The following LONP2 variants were observed in gnomAD, a reference collection of about 807,000 sequenced individuals.
LONP2 encodes the protein lon peptidase 2, peroxisomal.
A neutral mutation model predicts 85.6 loss-of-function variants in LONP2; 60 were observed. The ratio of observed to expected loss-of-function variants is 0.70; its 90% CI spans 0.57 to 0.87. The LOEUF is 0.87. Among genes scored for constraint, LONP2 ranks in the 40% least tolerant of loss-of-function variants. The pLI, the probability that LONP2 is intolerant of heterozygous loss-of-function variation, is 0.00. For synonymous variants in LONP2, 395 were observed against 389.7 expected, an observed-to-expected ratio of 1.01 and a Z score of -0.16; for missense variants, 860 against 1,063.5, an observed-to-expected ratio of 0.81 and a Z score of 2.66.
chr16:48,282,180 G>A (rs1173240099), intron 8 of LONP2, among the ~76,000 whole-genome samples: 7 of 152,066 alleles, frequency 4.6e-5, no homozygotes, highest in Non-Finnish European at 8.8e-5. Flanking sequence ...AGGCCGAGGC[G>A]GGTGGATTGC....
In LONP2 at chr16:48,256,725, A is replaced by G; in HGVS notation, c.584A>G (p.Asn195Ser). ...DILTSIIRTSNKEKLQILDAV... is the reference protein window; with the variant it reads ...DILTSIIRTSSKEKLQILDAV... ...TTGACATCAATTATCCGAACAAGCA[A>G]CAAAGAGAAACTCCAGGTACAGTGT... is the stretch of plus-strand genomic sequence containing the variant. Residue 195 changes from asparagine to serine, a missense_variant, in exon 3 of 15, where the codon AAC (asparagine) becomes AGC (serine). Transcript: ENST00000285737. 6.2e-7 allele frequency: 1 copy of G among 1,613,916 alleles called. No homozygotes were observed. The highest frequency in any genetic ancestry group is 8.5e-7 in the Non-Finnish European group (1 of 1,179,918).
At chr16:48,338,179 T>C (rs1959710025) in intron 12 of LONP2, among the ~76,000 whole-genome samples, 1 of 152,114 alleles carries the variant, frequency 6.6e-6, no homozygotes, top group Admixed American at 6.5e-5. Context: ...TGTGGTTTCT[T>C]CTAGAAAGAG....
intron 8 of LONP2, among the ~76,000 whole-genome samples, chr16:48,281,028 A>C (rs1253866678): frequency 6.6e-6 from 1 of 152,198 alleles, no homozygotes; most frequent in Non-Finnish European, 1.5e-5. Flanking sequence ...TGGAGACCCA[A>C]GTATAGTTTT....
rs770611789 is a variant in LONP2, at chr16:48,334,340, C to T, written c.1920C>T (p.Pro640=). 1.2e-6 allele frequency: 2 copies of T among 1,614,174 alleles called. No individual in the cohort carries two copies. Among genetic ancestry groups the T allele is most frequent in the East Asian group, 2.2e-5 (1 of 44,876 alleles). ...DFHALKDILG[P]PMYEMEVSQR... ...ATGCTCTGAAAGACATCCTTGGGCC[C>T]CCGATGTATGAAATGGAGGTGATTC... The change falls in exon 12 of 15, where the codon CCC becomes CCT. Residue 640 remains proline (P), a synonymous_variant. Coordinates refer to ENST00000285737, the MANE Select transcript of LONP2 (RefSeq NM_031490.5).
At chr16:48,361,203 A>G (rs1169041546), downstream of LONP2, 2 of 204,560 alleles carry the variant, frequency 9.8e-6, no homozygotes, top group Admixed American at 5.3e-5. Flanking sequence ...CAGTTAAAGG[A>G]AAAAAACCCA....
rs1404972479 is a variant in LONP2 at position 48,354,096 on chromosome 16, T to G, written c.*2294T>G. ...TTTTTTTTTGGGGGGGGTGGGGGGT[T>G]AGGGGTGGGGCGGGTGGGGAAGAGC... is the stretch of plus-strand genomic sequence containing the variant. On this transcript the variant is annotated 3_prime_UTR_variant, in exon 15 of 15. Coordinates refer to ENST00000285737, the MANE Select transcript of LONP2 (RefSeq NM_031490.5). The G allele has an allele frequency of 1.1e-3, 1 of 872 alleles. No homozygotes were observed. Among genetic ancestry groups the G allele is most frequent in the Admixed American group, 0.016 (1 of 62 alleles). 0.1% of individuals were successfully genotyped at this position (872 alleles called of 1,614,324 possible).
At chr16:48,259,556 T>A (rs1468638641) in intron 4 of LONP2, among the ~76,000 whole-genome samples, 1 of 152,210 alleles carries the variant, frequency 6.6e-6, no homozygotes, top group Non-Finnish European at 1.5e-5. Flanking sequence ...CTGACTTAAG[T>A]TGAGGCGTTG....
In LONP2 at chr16:48,277,357, A is replaced by G; in HGVS notation, c.1261A>G (p.Met421Val). The G allele has an allele frequency of 6.2e-7, 1 of 1,613,612 alleles. No homozygotes were observed. The highest frequency in any genetic ancestry group is 8.5e-7 in the Non-Finnish European group (1 of 1,179,724). Residue 421 changes from methionine to valine, a missense_variant, in exon 8 of 15, where the codon ATG becomes GTG. Met to Val is a conservative substitution (Grantham distance 21, BLOSUM62 1). Coordinates refer to ENST00000285737, the MANE Select transcript of LONP2 (RefSeq NM_031490.5). ...RGHRRTYVGS[M>V]PGRIINGLKT... Reference sequence around the variant, plus strand: ...CTCTAGGCGCACCTATGTTGGCAGCATGCCTGGTCGCATCATCAACGGCTT... The same window carrying G: ...CTCTAGGCGCACCTATGTTGGCAGCGTGCCTGGTCGCATCATCAACGGCTT...
chr16:48,278,923 T>C (rs1972269406), intron 8 of LONP2, among the ~76,000 whole-genome samples: 1 of 152,298 alleles, frequency 6.6e-6, no homozygotes, highest in East Asian at 1.9e-4. Flanking sequence ...TCTCCACTTT[T>C]ATGTTTTGCT....
At chr16:48,282,226 T>C (rs1337923813) in intron 8 of LONP2, among the ~76,000 whole-genome samples, 2 of 151,892 alleles carry the variant, frequency 1.3e-5, no homozygotes, top group Non-Finnish European at 2.9e-5. Flanking sequence ...CTGGCTAACG[T>C]GGCGAAACCC....
Position 48,335,216 on chromosome 16 carries a change from G to A in LONP2, c.1938+858G>A, listed in dbSNP as rs9934459. ...TCTTTGTGCTATCAAGGGCTTGGGG[G>A]AAGAGGCGGGGAATCAACCTGATAC... On this transcript the variant is annotated intron_variant, in intron 12 of 14. Coordinates refer to ENST00000285737, the MANE Select transcript of LONP2 (RefSeq NM_031490.5). Among the ~76,000 whole-genome samples, 661 of 152,304 alleles carry A rather than the reference G, an allele frequency of 4.3e-3. 4 individuals are homozygous for A. Among genetic ancestry groups the A allele is most frequent in the African/African-American group, 0.015 (626 of 41,550 alleles).
In LONP2 at chr16:48,313,408, C is replaced by G. The variant is rs182140082; in HGVS notation, c.1795+10103C>G. Among the ~76,000 whole-genome samples the G allele has an allele frequency of 1.4e-3, 211 of 152,216 alleles. 1 individual carries two copies. The highest frequency in any genetic ancestry group is 4.9e-3 in the African/African-American group (204 of 41,536). ...AAACATGTGCCATGGTGGTTTGCTG[C>G]ACAGATAATCCATCACCCAGGTATT... On this transcript the variant is annotated intron_variant, in intron 11 of 14. Transcript: ENST00000285737.
At chr16:48,331,566 CT>C (rs1022632125) in intron 11 of LONP2, among the ~76,000 whole-genome samples, 223 of 139,818 alleles carry the variant, frequency 1.6e-3, no homozygotes, top group Middle Eastern at 7.4e-3. Flanking sequence ...AAAGGATTTT[CT>C]TTTTTTTTTT....
chr16:48,334,337 G>T lies in LONP2; in HGVS notation c.1917G>T (p.Gly639=), dbSNP rs772738479. Residue 639 remains glycine (G), a synonymous_variant, in exon 12 of 15, where the codon GGG becomes GGT. Coordinates refer to ENST00000285737, the MANE Select transcript of LONP2 (RefSeq NM_031490.5). ...TCCATGCTCTGAAAGACATCCTTGG[G>T]CCCCCGATGTATGAAATGGAGGTGA... ...IDFHALKDIL[G]PPMYEMEVSQ... 3 of 1,614,146 alleles carry T rather than the reference G, an allele frequency of 1.9e-6. No individual in the cohort carries two copies. Among genetic ancestry groups the T allele is most frequent in the Non-Finnish European group, 2.5e-6 (3 of 1,180,036 alleles).
rs760611883 is a variant in LONP2, at chr16:48,277,462, G to GC, written c.1367dup (p.Ala457SerfsTer5). 3.1e-6 allele frequency: 5 copies of GC among 1,613,564 alleles called. No individual in the cohort carries two copies. The South Asian group carries it at 4.4e-5, about 14-fold the overall frequency. ...GGGAAAAAGTCTACAGGGTGATCCA[G>GC]CAGCAGCTCTGCTTGAGGTAAGATT... On this transcript the variant is annotated frameshift_variant, in exon 8 of 15. Coordinates refer to ENST00000285737, the MANE Select transcript of LONP2 (RefSeq NM_031490.5). LOFTEE classifies it high-confidence loss of function.
intron 11 of LONP2, among the ~76,000 whole-genome samples, chr16:48,303,561 C>A (rs1198961020): frequency 6.6e-6 from 1 of 152,106 alleles, no homozygotes; most frequent in Non-Finnish European, 1.5e-5. Flanking sequence ...TATTAGGGTT[C>A]ACTAGAGGGA....
intron 8 of LONP2, among the ~76,000 whole-genome samples, chr16:48,282,278 G>A (rs1262799135): frequency 2.6e-5 from 4 of 151,880 alleles, no homozygotes; most frequent in Admixed American, 2.6e-4. Context: ...GGGCATGGTC[G>A]TGCATGCCTG....
At chr16:48,361,510 A>G (rs752826901), downstream of LONP2, 5 of 1,525,160 alleles carry the variant, frequency 3.3e-6, no homozygotes, top group Admixed American at 8.4e-5. Context: ...AGGTTGGCAG[A>G]CAGATGGGTG....
In LONP2 at chr16:48,262,234, A is replaced by G. The variant is rs1971893206; in HGVS notation, c.888-544A>G. Among the ~76,000 whole-genome samples the G allele has an allele frequency of 2.0e-5, 3 of 152,146 alleles. No individual in the cohort carries two copies. The South Asian group carries it at 6.2e-4, about 32-fold the overall frequency. ...AGTAGCATTTGTTATTAAATATATG[A>G]TATTAGCTTGCTTTTATGAGCAGAC... On this transcript the variant is annotated intron_variant, in intron 5 of 14. Transcript: ENST00000285737.
Sources: gnomAD v4.1 joint callset for allele counts (sites outside exome capture counted in the v4.1 genomes callset) on GRCh38, gnomAD v4.1.1 for gene constraint, MANE v1.5 for transcripts, NCBI Gene and HGNC (gene_info 2026-07-23, HGNC 2026-07-21) for gene names.